Variants in C2orf76 observed in about 807,000 individuals in gnomAD.
The protein encoded by C2orf76 is chromosome 2 open reading frame 76.
In C2orf76, 23 loss-of-function variants were observed where a neutral mutation model predicts 16.9. That is an observed-to-expected ratio of 1.36 (90% CI 0.98 to 1.93). The LOEUF (loss-of-function observed/expected upper bound fraction) is 1.93, where lower values mean the gene tolerates loss of function less well. Ranked by LOEUF, C2orf76 falls within the 30% of genes most tolerant of loss-of-function variation. The pLI, the probability that C2orf76 is intolerant of heterozygous loss-of-function variation, is 0.00. For synonymous variants in C2orf76, 48 were observed against 52.3 expected, an observed-to-expected ratio of 0.92 and a Z score of 0.35; for missense variants, 152 against 152.6, an observed-to-expected ratio of 1.00 and a Z score of 0.02.
At chr2:119,321,442 G>T (rs983338478) in intron 2 of C2orf76, among the ~76,000 whole-genome samples, 3 of 152,090 alleles carry the variant, frequency 2.0e-5, no homozygotes, top group Non-Finnish European at 2.9e-5. Context: ...TAATGGACTG[G>T]GGAGGCCTCA....
At chr2:119,323,338 A>T (rs866729777) in intron 2 of C2orf76, among the ~76,000 whole-genome samples, 11 of 152,118 alleles carry the variant, frequency 7.2e-5, no homozygotes, top group South Asian at 6.2e-4. Context: ...GGGTTTTTTT[A>T]AAATGCTTTT....
downstream of C2orf76, among the ~76,000 whole-genome samples, chr2:119,299,785 T>C (rs144792629): frequency 6.9e-4 from 105 of 152,360 alleles, 3 homozygotes; most frequent in East Asian, 0.015. Context: ...GGTAAAGATA[T>C]GCTTAATTTT....
chr2:119,283,385 C>T, the C2orf76 span, among the ~76,000 whole-genome samples: 1 of 152,248 alleles, frequency 6.6e-6, no homozygotes, highest in South Asian at 2.1e-4. Flanking sequence ...TCTGCCCTTC[C>T]TGCCTCCTCC....
At chr2:119,357,251 T>TA (rs1187618411) in intron 1 of C2orf76, among the ~76,000 whole-genome samples, 1 of 145,674 alleles carries the variant, frequency 6.9e-6, no homozygotes, top group Non-Finnish European at 1.6e-5. Flanking sequence ...AAGCCATTAC[T>TA]AAAAAAAAGA....
At chr2:119,352,211 T>A (rs1680429598) in intron 1 of C2orf76, among the ~76,000 whole-genome samples, 1 of 152,208 alleles carries the variant, frequency 6.6e-6, no homozygotes, top group Non-Finnish European at 1.5e-5. Context: ...CTAGAGAGAA[T>A]CATTTTGAAA....
chr2:119,358,067 A>G (rs1016196134), intron 1 of C2orf76, among the ~76,000 whole-genome samples: 1 of 152,218 alleles, frequency 6.6e-6, no homozygotes, highest in African/African-American at 2.4e-5. Flanking sequence ...AATTAGGCCA[A>G]TTAATAACAC....
At chr2:119,310,789 G>A (rs1037600305) in intron 5 of C2orf76, among the ~76,000 whole-genome samples, 3 of 152,140 alleles carry the variant, frequency 2.0e-5, no homozygotes, top group Non-Finnish European at 2.9e-5. Context: ...CAGGAGAATC[G>A]CTTGAACCCG....
chr2:119,340,289 C>T (rs946292122), intron 1 of C2orf76: 10 of 216,734 alleles, frequency 4.6e-5, no homozygotes, highest in Non-Finnish European at 8.2e-5. Context: ...AGAAGCAGGA[C>T]GGCCGAACAC....
intron 1 of C2orf76, among the ~76,000 whole-genome samples, chr2:119,359,514 G>T: frequency 6.6e-6 from 1 of 152,194 alleles, no homozygotes; most frequent in East Asian, 1.9e-4. Flanking sequence ...CATTCTAAAG[G>T]CCATTAAAAA....
At chr2:119,333,970 T>C (rs1408122241) in intron 2 of C2orf76, among the ~76,000 whole-genome samples, 2 of 152,160 alleles carry the variant, frequency 1.3e-5, no homozygotes, top group Non-Finnish European at 2.9e-5. Context: ...TTTTCTTTTT[T>C]TTTGTACAGA....
intron 1 of C2orf76, among the ~76,000 whole-genome samples, chr2:119,342,004 T>C (rs1451474378): frequency 6.6e-6 from 1 of 152,202 alleles, no homozygotes; most frequent in Non-Finnish European, 1.5e-5. Flanking sequence ...CATTCATACA[T>C]AGGTACCCTA....
intron 2 of C2orf76, among the ~76,000 whole-genome samples, chr2:119,326,087 T>C (rs1028212960): frequency 1.7e-4 from 26 of 152,224 alleles, no homozygotes; most frequent in Admixed American, 6.5e-5. Context: ...TTAATTTTGC[T>C]AAAGCCCAAT....
the C2orf76 span, among the ~76,000 whole-genome samples, chr2:119,281,435 G>A: frequency 6.6e-6 from 1 of 152,082 alleles, no homozygotes; most frequent in Non-Finnish European, 1.5e-5. Flanking sequence ...TTGAGCCAGG[G>A]TGGTCGAGGC....
chr2:119,296,788 G>A, the C2orf76 span, among the ~76,000 whole-genome samples: 1 of 152,192 alleles, frequency 6.6e-6, no homozygotes, highest in Non-Finnish European at 1.5e-5. Flanking sequence ...CTTTGGCAAA[G>A]GCAAGTTCTC....
intron 1 of C2orf76, among the ~76,000 whole-genome samples, chr2:119,344,886 A>G (rs1216329201): frequency 6.6e-6 from 1 of 152,198 alleles, no homozygotes; most frequent in Admixed American, 6.5e-5. Flanking sequence ...AATTTAATAT[A>G]AGATGAAAGT....
rs558948376 is a variant in C2orf76, at chr2:119,307,442, A to G, written c.304+4180T>C. 2.7e-5 allele frequency among the ~76,000 whole-genome samples: 4 copies of G among 150,746 alleles called. No individual in the cohort carries two copies. The East Asian group carries it at 7.7e-4, about 29-fold the overall frequency. On this transcript the variant is annotated intron_variant, in intron 5 of 5. Transcript: ENST00000334816. ...CGACAGAGAGAGACTCTGTCTTAAA[A>G]AAAAAAAAAAAAATCACATTTCAAG...
chr2:119,322,452 C>T (rs574217150), intron 2 of C2orf76, among the ~76,000 whole-genome samples: 93 of 152,252 alleles, frequency 6.1e-4, no homozygotes, highest in African/African-American at 1.7e-3. Context: ...AAGCAATCTG[C>T]CCACCTTGGC....
At chr2:119,367,005 C>T (rs755622784), upstream of C2orf76, 6 of 1,612,982 alleles carry the variant, frequency 3.7e-6, no homozygotes, top group Non-Finnish European at 5.1e-6. Context: ...GCTTCCTGGT[C>T]CTCGCCTCCT....
chr2:119,320,210 C>T (rs1168027724), intron 3 of C2orf76, among the ~76,000 whole-genome samples: 2 of 152,088 alleles, frequency 1.3e-5, no homozygotes, highest in African/African-American at 4.8e-5. Flanking sequence ...CACACATACA[C>T]ACACACCATG....
Sources: allele counts gnomAD v4.1 joint callset (sites outside exome capture counted in the v4.1 genomes callset), GRCh38; gene constraint gnomAD v4.1.1; transcripts MANE v1.5; gene names NCBI Gene and HGNC (gene_info 2026-07-23, HGNC 2026-07-21).